Variants in MTR observed in about 807,000 individuals in gnomAD.
MTR encodes methionine synthase.
In MTR, 84 loss-of-function variants were observed where a neutral mutation model predicts 154.8. The ratio of observed to expected loss-of-function variants is 0.54; its 90% CI spans 0.45 to 0.65. The LOEUF (loss-of-function observed/expected upper bound fraction) is 0.65, where lower values mean the gene tolerates loss of function less well. Among genes scored for constraint, MTR ranks in the 30% least tolerant of loss-of-function variants. MTR has a pLI of 0.00. For synonymous variants in MTR, 554 were observed against 553.9 expected (o/e 1.00, Z 0.00); for missense variants, 1,275 against 1,570.2 (o/e 0.81, Z 3.18).
chr1:236,811,632 C>T (rs900637010), intron 5 of MTR: 1 of 456,200 alleles, frequency 2.2e-6, no homozygotes, highest in Admixed American at 2.3e-5. Context: ...TGTTGATGCT[C>T]TCTTTGGTCT....
At chr1:236,802,605 C>A (rs1480682004) in intron 1 of MTR, among the ~76,000 whole-genome samples, 1 of 151,906 alleles carries the variant, frequency 6.6e-6, no homozygotes, top group Admixed American at 6.6e-5. Flanking sequence ...TTTGAGGAGC[C>A]TCCAACAGAA....
chr1:236,841,243 C>T (rs1393015338), intron 15 of MTR, among the ~76,000 whole-genome samples: 1 of 152,158 alleles, frequency 6.6e-6, no homozygotes, highest in Non-Finnish European at 1.5e-5. Context: ...TTTATCCTTC[C>T]CAATATAGTT....
intron 12 of MTR, among the ~76,000 whole-genome samples, chr1:236,831,008 G>A (rs916561701): frequency 5.3e-5 from 8 of 152,152 alleles, no homozygotes; most frequent in Non-Finnish European, 8.8e-5. Context: ...TTCTGTGCCT[G>A]TCAATGTTAT....
chr1:236,830,358 G>A (rs1227716322), intron 12 of MTR, among the ~76,000 whole-genome samples: 1 of 152,066 alleles, frequency 6.6e-6, no homozygotes, highest in Non-Finnish European at 1.5e-5. Flanking sequence ...AGCACTAAGA[G>A]TGGAAAACAT....
Position 236,894,460 on chromosome 1 carries a change from C to T in MTR, c.3308C>T (p.Ala1103Val), listed in dbSNP as rs746319355. 6.2e-7 allele frequency: 1 copy of T among 1,614,192 alleles called. No homozygotes were observed. Among genetic ancestry groups the T allele is most frequent in the South Asian group, 1.1e-5 (1 of 91,080 alleles). Residue 1103 changes from alanine (A) to valine (V), a missense_variant, in exon 30 of 33, where the codon GCC becomes GTC. Physicochemically the swap from Ala to Val is moderately conservative, Grantham distance 64 (BLOSUM62 0). Transcript: ENST00000366577. ...GACTACCTGGGCCTGTTTGCCGTTG[C>T]CTGCTTTGGGGTAGAAGAGCTGAGC... ...IRDYLGLFAV[A>V]CFGVEELSKA...
intron 2 of MTR, among the ~76,000 whole-genome samples, chr1:236,804,802 T>C (rs562804917): frequency 1.3e-4 from 20 of 152,306 alleles, no homozygotes; most frequent in African/African-American, 4.6e-4. Flanking sequence ...TTAGGCATTT[T>C]CATATATGTG....
At chr1:236,875,456 G>C (rs1665377319) in intron 24 of MTR, among the ~76,000 whole-genome samples, 1 of 152,206 alleles carries the variant, frequency 6.6e-6, no homozygotes, top group South Asian at 2.1e-4. Flanking sequence ...CAGTTTACCA[G>C]ATTTTTCCTG....
At chr1:236,859,989 G>A (rs1219183688) in intron 19 of MTR, 67 bp downstream of exon 19, 10 of 1,396,076 alleles carry the variant, frequency 7.2e-6, no homozygotes, top group African/African-American at 1.4e-5. Flanking sequence ...TGTTGTGGGC[G>A]GTGTGACAGT....
intron 8 of MTR, 64 bp from the exon 9 acceptor site, chr1:236,824,055 T>C: frequency 7.5e-7 from 1 of 1,332,238 alleles, no homozygotes; most frequent in South Asian, 1.2e-5. Context: ...TCTCCATATA[T>C]AACTTATATG....
At position 236,877,483 on chromosome 1, in the gene MTR, A is replaced by G. The variant is rs938264709; in HGVS notation, c.2594+2637A>G. Among the ~76,000 whole-genome samples, 7 of 152,182 alleles carry G rather than the reference A, an allele frequency of 4.6e-5. No individual in the cohort carries two copies. The East Asian group carries it at 1.2e-3, about 25-fold the overall frequency. On this transcript the variant is annotated intron_variant, in intron 24 of 32. Transcript: ENST00000366577. ...ATACGTTGGTTTTGCTTGCATTTCA[A>G]CTTTATATAAGTGGAGTCATATTGT...
At chr1:236,856,214 C>T (rs565951454) in intron 18 of MTR, among the ~76,000 whole-genome samples, 54 of 152,200 alleles carry the variant, frequency 3.5e-4, no homozygotes, top group Admixed American at 2.3e-3. Flanking sequence ...TGGAACACAC[C>T]GCCCTGTTTT....
At chr1:236,880,040 AG>A (rs1399539171) in intron 24 of MTR, among the ~76,000 whole-genome samples, 1 of 151,870 alleles carries the variant, frequency 6.6e-6, no homozygotes, top group Admixed American at 6.6e-5. Context: ...GGGTGCCTGT[AG>A]TCCCAGCTAC....
chr1:236,852,034 G>A (rs1663931744), intron 16 of MTR, among the ~76,000 whole-genome samples: 1 of 152,168 alleles, frequency 6.6e-6, no homozygotes, highest in South Asian at 2.1e-4. Context: ...ATGACAAACT[G>A]TCTCCCTAGA....
At chr1:236,892,751 A>G (rs1315344750) in intron 29 of MTR, among the ~76,000 whole-genome samples, 1 of 152,116 alleles carries the variant, frequency 6.6e-6, no homozygotes, top group African/African-American at 2.4e-5. Context: ...CTCACTAGGG[A>G]ATTTGTGGCT....
At chr1:236,820,587 T>TAA (rs35453692) in intron 8 of MTR, 6,357 of 408,632 alleles carry the variant, frequency 0.016, 2 homozygotes, top group East Asian at 0.022. Context: ...GTCAGTTTCT[T>TAA]AAAAAAAAAA....
rs958860176 is a variant in MTR, at chr1:236,812,898, C to T, written c.609+54C>T. 19 of 1,321,966 alleles carry T rather than the reference C, an allele frequency of 1.4e-5. No individual in the cohort carries two copies. The African/African-American group carries it at 1.7e-4, about 12-fold the overall frequency. The allele number at this position is 1,321,966 out of a possible 1,614,324, so 81.9% of individuals were successfully genotyped here. A position where few individuals can be genotyped will look rare whatever the true frequency, so the allele number is the denominator to read the frequency against. On this transcript the variant is annotated intron_variant, in intron 6 of 32. Coordinates refer to ENST00000366577, the MANE Select transcript of MTR (RefSeq NM_000254.3). ...GCTGGGGTAAGGGCTGTGGGTGAGT[C>T]CCCTAATGTAGGGAGAAGATAATAT...
intron 15 of MTR, among the ~76,000 whole-genome samples, chr1:236,840,591 A>G (rs1663171610): frequency 6.6e-6 from 1 of 152,254 alleles, no homozygotes; most frequent in Non-Finnish European, 1.5e-5. Flanking sequence ...ACGTGGAGAA[A>G]GAGCAAACGA....
chr1:236,892,524 C>G (rs1321413098), intron 29 of MTR, among the ~76,000 whole-genome samples: 1 of 152,138 alleles, frequency 6.6e-6, no homozygotes, highest in Non-Finnish European at 1.5e-5. Flanking sequence ...TTAATCCCAA[C>G]CACAATATAA....
At chr1:236,816,412 G>A (rs764650131) in intron 7 of MTR, 37 bp from the exon 8 acceptor site, 1 of 1,538,458 alleles carries the variant, frequency 6.5e-7, no homozygotes, top group Non-Finnish European at 9.0e-7. Flanking sequence ...CTTAACTTGA[G>A]TCTGTATTGT....
Sources: allele counts gnomAD v4.1 joint callset (sites outside exome capture counted in the v4.1 genomes callset), GRCh38; gene constraint gnomAD v4.1.1; transcripts MANE v1.5; gene names NCBI Gene and HGNC (gene_info 2026-07-23, HGNC 2026-07-21).